Variants in GPAT3 observed in about 807,000 individuals in gnomAD.
GPAT3 encodes 1-AGP acyltransferase 9.
In GPAT3, 53 loss-of-function variants were observed where a neutral mutation model predicts 58.8. That is an observed-to-expected ratio of 0.90 (90% confidence interval 0.72 to 1.13). The LOEUF (loss-of-function observed/expected upper bound fraction) is 1.13. Among genes scored for constraint, GPAT3 ranks in the 50% most tolerant of loss-of-function variants. The pLI is 0.00. For missense variants in GPAT3, 511 were observed against 527.6 expected, an observed-to-expected ratio of 0.97 and a Z score of 0.31; for synonymous variants, 197 against 187.4, an observed-to-expected ratio of 1.05 and a Z score of -0.42.
intron 3 of GPAT3, among the ~76,000 whole-genome samples, chr4:83,583,467 C>G (rs994861459): frequency 2.0e-5 from 3 of 150,510 alleles, no homozygotes; most frequent in African/African-American, 2.4e-5. Context: ...GCCAGGAGTT[C>G]GACTGGCCTG....
At chr4:83,574,098 C>T (rs1332662890) in intron 2 of GPAT3, among the ~76,000 whole-genome samples, 1 of 152,124 alleles carries the variant, frequency 6.6e-6, no homozygotes, top group Non-Finnish European at 1.5e-5. Context: ...GGTTCTTGCT[C>T]ACACAGACCA....
chr4:83,562,251 A>ATATATATATTATATAT (rs1725203802), intron 2 of GPAT3, among the ~76,000 whole-genome samples: 1 of 113,182 alleles, frequency 8.8e-6, no homozygotes, highest in Non-Finnish European at 1.8e-5. Context: ...ATATATATAA[A>ATATATATATTATATAT]ATATAGTTTG....
chr4:83,555,988 A>G (rs1724925922), intron 2 of GPAT3, among the ~76,000 whole-genome samples: 1 of 152,206 alleles, frequency 6.6e-6, no homozygotes, highest in African/African-American at 2.4e-5. Flanking sequence ...CTTATTATAT[A>G]GTCACTTACC....
At chr4:83,539,786 T>C (rs1724226752) in intron 1 of GPAT3, among the ~76,000 whole-genome samples, 1 of 152,230 alleles carries the variant, frequency 6.6e-6, no homozygotes, top group Non-Finnish European at 1.5e-5. Context: ...TCAAGGGATA[T>C]ATGATAATTT....
chr4:83,598,262 G>A (rs1292990877), intron 10 of GPAT3, 83 bp downstream of exon 10: 2 of 1,542,690 alleles, frequency 1.3e-6, no homozygotes, highest in Admixed American at 2.3e-5. Flanking sequence ...CCTTCTCCAT[G>A]TCATGCTTTT....
At chr4:83,593,164 G>A (rs1363909655) in intron 6 of GPAT3, among the ~76,000 whole-genome samples, 1 of 104,050 alleles carries the variant, frequency 9.6e-6, no homozygotes, top group East Asian at 3.3e-4. Flanking sequence ...ACCGAGCCAG[G>A]ACTTTTTTTT....
intron 2 of GPAT3, among the ~76,000 whole-genome samples, chr4:83,562,236 A>AAT (rs553841896): frequency 8.9e-4 from 66 of 74,122 alleles, no homozygotes; most frequent in Non-Finnish European, 8.0e-4. Context: ...ATATATATAT[A>AAT]ATATATATAT....
At chr4:83,587,136 A>C in intron 3 of GPAT3, 119 bp from the exon 4 acceptor site, 1 of 735,236 alleles carries the variant, frequency 1.4e-6, no homozygotes, top group South Asian at 1.8e-5. Flanking sequence ...TAGTGGCTGC[A>C]TCATATTTCA....
At chr4:83,557,859 G>A (rs1346135026) in intron 2 of GPAT3, among the ~76,000 whole-genome samples, 1 of 152,152 alleles carries the variant, frequency 6.6e-6, no homozygotes, top group Non-Finnish European at 1.5e-5. Context: ...TAATGTAAAG[G>A]GCAATGAAGT....
intron 11 of GPAT3, 26 bp downstream of exon 11, chr4:83,598,749 CA>C (rs1726945033): frequency 1.1e-5 from 2 of 185,390 alleles, no homozygotes; most frequent in Non-Finnish European, 2.1e-5. Flanking sequence ...GAAGTACTAT[CA>C]CTTTTTTTTT....
rs898981694 is a variant in GPAT3 at position 83,549,178 on chromosome 4, A to G, written c.208+4576A>G. 2.2e-4 allele frequency among the ~76,000 whole-genome samples: 33 copies of G among 151,802 alleles called. No homozygotes were observed. In the East Asian group the frequency reaches 6.3e-3, roughly 29 times the overall value. On this transcript the variant is annotated intron_variant, in intron 2 of 11. Transcript: ENST00000264409. ...GTGAGACCCATCTGAAAAAAAAAAA[A>G]AAGAAAATTGAGGAATATTTTTATA...
chr4:83,562,586 G>A (rs1221299154), intron 2 of GPAT3, among the ~76,000 whole-genome samples: 1 of 151,750 alleles, frequency 6.6e-6, no homozygotes, highest in Non-Finnish European at 1.5e-5. Flanking sequence ...GAAGAAGTCA[G>A]GACTATAGAT....
At chr4:83,536,837 C>T in intron 1 of GPAT3, 74 bp downstream of exon 1, 1 of 1,452,026 alleles carries the variant, frequency 6.9e-7, no homozygotes, top group Non-Finnish European at 9.4e-7. Context: ...TTCTCAAGGT[C>T]AGTGGTCGCG....
intron 1 of GPAT3, among the ~76,000 whole-genome samples, chr4:83,538,204 T>C (rs549749014): frequency 2.6e-5 from 4 of 152,298 alleles, no homozygotes; most frequent in African/African-American, 9.6e-5. Flanking sequence ...CTGGACATTG[T>C]CTTGTACTTG....
At chr4:83,588,657 A>G (rs1334286692) in intron 5 of GPAT3, among the ~76,000 whole-genome samples, 1 of 152,184 alleles carries the variant, frequency 6.6e-6, no homozygotes, top group Non-Finnish European at 1.5e-5. Context: ...TGAATAAACA[A>G]TGGAATCAGG....
intron 2 of GPAT3, among the ~76,000 whole-genome samples, chr4:83,545,362 C>T (rs549009376): frequency 6.6e-6 from 1 of 151,874 alleles, no homozygotes; most frequent in South Asian, 2.1e-4. Flanking sequence ...GGGAGGATCA[C>T]TTGAACCCTG....
chr4:83,537,229 A>G (rs944387410), intron 1 of GPAT3, among the ~76,000 whole-genome samples: 2 of 152,240 alleles, frequency 1.3e-5, no homozygotes, highest in African/African-American at 4.8e-5. Context: ...ATAAGAGACC[A>G]ATTGCTGGAT....
Position 83,599,948 on chromosome 4 carries a change from A to G in GPAT3, c.1205+1225A>G, listed in dbSNP as rs78488853. On this transcript the variant is annotated intron_variant, in intron 11 of 11. Transcript: ENST00000264409. ...ATTAACAACAATAACAACTGATAAA[A>G]TAGAACAATTATAATAATACACTGA... Among the ~76,000 whole-genome samples, 126 of 152,324 alleles carry G rather than the reference A, an allele frequency of 8.3e-4. No individual in the cohort carries two copies. The East Asian group carries it at 0.023, about 28-fold the overall frequency.
intron 2 of GPAT3, among the ~76,000 whole-genome samples, chr4:83,579,163 C>G (rs1430385736): frequency 7.1e-6 from 1 of 140,556 alleles, no homozygotes; most frequent in Non-Finnish European, 1.5e-5. Flanking sequence ...CTCTTTCTCT[C>G]TTTCTCTTTC....
Sources: gnomAD v4.1 joint callset for allele counts (sites outside exome capture counted in the v4.1 genomes callset) on GRCh38, gnomAD v4.1.1 for gene constraint, MANE v1.5 for transcripts, NCBI Gene and HGNC (gene_info 2026-07-23, HGNC 2026-07-21) for gene names.